The following ATE1 variants were observed in gnomAD, a reference collection of about 807,000 sequenced individuals.
The protein encoded by ATE1 is arginyl-tRNA--protein transferase 1.
A neutral mutation model predicts 70.5 loss-of-function variants in ATE1; 36 were observed. The observed-to-expected ratio is 0.51, with a 90% confidence interval of 0.39 to 0.67. The LOEUF (loss-of-function observed/expected upper bound fraction) is 0.67, where lower values mean the gene tolerates loss of function less well. ATE1 is among the 30% of genes least tolerant of loss of function. ATE1 has a pLI of 0.00. For synonymous variants in ATE1, 232 were observed against 219.3 expected (o/e 1.06, Z -0.51); for missense variants, 593 against 629.5 (o/e 0.94, Z 0.62).
At chr10:121,907,366 G>A (rs1486273222) in intron 5 of ATE1, among the ~76,000 whole-genome samples, 4 of 152,112 alleles carry the variant, frequency 2.6e-5, no homozygotes. Context: ...TCATGAGGCT[G>A]AGGCAGGAGA....
At chr10:121,807,537 C>T (rs1031201738) in intron 10 of ATE1, among the ~76,000 whole-genome samples, 1 of 152,178 alleles carries the variant, frequency 6.6e-6, no homozygotes, top group Admixed American at 6.5e-5. Context: ...TATATTATAG[C>T]TGATCTTTGT....
At chr10:121,928,261 G>A, upstream of ATE1, 1 of 1,423,508 alleles carries the variant, frequency 7.0e-7, no homozygotes, top group Non-Finnish European at 9.3e-7. Context: ...GGAAGCGGGA[G>A]TCGGGGTGCG....
chr10:121,862,056 G>A (rs1023944743), intron 8 of ATE1, among the ~76,000 whole-genome samples: 9 of 152,140 alleles, frequency 5.9e-5, no homozygotes, highest in Non-Finnish European at 1.0e-4. Flanking sequence ...AGAACAGAGA[G>A]CAGGTAAAAG....
intron 3 of ATE1, among the ~76,000 whole-genome samples, chr10:121,921,816 C>G (rs761125775): frequency 6.6e-6 from 1 of 152,150 alleles, no homozygotes; most frequent in African/African-American, 2.4e-5. Context: ...TTGTTCCGGG[C>G]CCAGTCTTTT....
intron 11 of ATE1, among the ~76,000 whole-genome samples, chr10:121,786,668 TG>T (rs1946228034): frequency 6.6e-6 from 1 of 152,054 alleles, no homozygotes; most frequent in Non-Finnish European, 1.5e-5. Flanking sequence ...TATTAGACAC[TG>T]GGCATCACAG....
chr10:121,785,274 T>C (rs1217847917), intron 11 of ATE1, among the ~76,000 whole-genome samples: 1 of 152,166 alleles, frequency 6.6e-6, no homozygotes, highest in Non-Finnish European at 1.5e-5. Flanking sequence ...CTATTATTAG[T>C]CATGAGTTAT....
chr10:121,863,170 A>C (rs973385444), intron 8 of ATE1, among the ~76,000 whole-genome samples: 1 of 151,740 alleles, frequency 6.6e-6, no homozygotes, highest in African/African-American at 2.4e-5. Context: ...CGCATTTCAA[A>C]TTACTGCATA....
At chr10:121,842,737 C>T (rs192044831) in intron 8 of ATE1, among the ~76,000 whole-genome samples, 3 of 152,168 alleles carry the variant, frequency 2.0e-5, no homozygotes, top group Admixed American at 2.0e-4. Flanking sequence ...ATCAATAGGT[C>T]AAAAGAAGAA....
chr10:121,910,182 A>G lies in ATE1; in HGVS notation c.583+724T>C, dbSNP rs1485782877. Among the ~76,000 whole-genome samples, 3 of 152,226 alleles carry G rather than the reference A, an allele frequency of 2.0e-5. No individual in the cohort carries two copies. In the East Asian group the frequency reaches 5.8e-4, roughly 29 times the overall value. On this transcript the variant is annotated intron_variant, in intron 5 of 11. Coordinates refer to ENST00000224652, the MANE Select transcript of ATE1 (RefSeq NM_001001976.3). ...AATGGAGAATTTTCTCTACTTTAAC[A>G]TGTGTAACATAGTTTAGACAAGAAA...
chr10:121,879,917 C>T (rs1370300726), intron 7 of ATE1, among the ~76,000 whole-genome samples: 1 of 152,108 alleles, frequency 6.6e-6, no homozygotes, highest in Non-Finnish European at 1.5e-5. Flanking sequence ...ATATGGAGGA[C>T]AAAACTAGGT....
At chr10:121,756,960 A>G (rs1164120545) in intron 11 of ATE1, among the ~76,000 whole-genome samples, 1 of 152,222 alleles carries the variant, frequency 6.6e-6, no homozygotes, top group Non-Finnish European at 1.5e-5. Flanking sequence ...CTCCTCAGAA[A>G]ATGGGATTTT....
chr10:121,895,392 G>A (rs916880661), intron 7 of ATE1, among the ~76,000 whole-genome samples: 3 of 152,100 alleles, frequency 2.0e-5, no homozygotes, highest in Non-Finnish European at 4.4e-5. Context: ...GGTGGATCAC[G>A]AGGTCAGGAG....
Position 121,906,232 on chromosome 10 carries a change from A to T in ATE1, c.584-3612T>A, listed in dbSNP as rs140679933. On this transcript the variant is annotated intron_variant, in intron 5 of 11. Coordinates refer to ENST00000224652, the MANE Select transcript of ATE1 (RefSeq NM_001001976.3). Reference sequence around the variant, plus strand: ...AACATAGCAAGACCTCATCTCTACAAATCAACTTTTTTAGGCCAGGTGTGG... The same window carrying T: ...AACATAGCAAGACCTCATCTCTACATATCAACTTTTTTAGGCCAGGTGTGG... Among the ~76,000 whole-genome samples, 24 of 152,154 alleles carry T rather than the reference A, an allele frequency of 1.6e-4. 1 individual carries two copies. The East Asian group carries it at 4.1e-3, about 26-fold the overall frequency.
At chr10:121,800,624 T>TAC (rs1025977822) in intron 10 of ATE1, among the ~76,000 whole-genome samples, 4 of 151,932 alleles carry the variant, frequency 2.6e-5, no homozygotes, top group Non-Finnish European at 4.4e-5. Flanking sequence ...ATTATTTAAA[T>TAC]ACACACACAC....
chr10:121,817,658 A>C (rs573783852), intron 10 of ATE1, among the ~76,000 whole-genome samples: 1 of 152,200 alleles, frequency 6.6e-6, no homozygotes, highest in Non-Finnish European at 1.5e-5. Context: ...TCAGCATCTA[A>C]GCTGCAATGG....
chr10:121,785,659 T>C (rs776196951), intron 11 of ATE1, among the ~76,000 whole-genome samples: 1 of 151,738 alleles, frequency 6.6e-6, no homozygotes, highest in African/African-American at 2.4e-5. Flanking sequence ...AACCTCAGAG[T>C]TTCTGGGGCT....
chr10:121,808,033 C>T (rs933669395), intron 10 of ATE1, among the ~76,000 whole-genome samples: 19 of 151,756 alleles, frequency 1.3e-4, no homozygotes, highest in Non-Finnish European at 1.8e-4. Flanking sequence ...AGAGAAATGC[C>T]GATTTCCAGG....
intron 11 of ATE1, among the ~76,000 whole-genome samples, chr10:121,781,442 A>G (rs1276741040): frequency 4.6e-5 from 7 of 152,236 alleles, no homozygotes; most frequent in Non-Finnish European, 8.8e-5. Context: ...AAGCCAGCAG[A>G]TAAGTCCTTC....
chr10:121,816,502 G>A (rs920453594), intron 10 of ATE1, among the ~76,000 whole-genome samples: 1 of 152,132 alleles, frequency 6.6e-6, no homozygotes, highest in Non-Finnish European at 1.5e-5. Flanking sequence ...CACCAGGTAA[G>A]GGCACTGTGT....
Sources: gnomAD v4.1 joint callset for allele counts (sites outside exome capture counted in the v4.1 genomes callset) on GRCh38, gnomAD v4.1.1 for gene constraint, MANE v1.5 for transcripts, NCBI Gene and HGNC (gene_info 2026-07-23, HGNC 2026-07-21) for gene names.